Variants in CEP128 observed in about 807,000 individuals in gnomAD.
CEP128 encodes the protein centrosomal protein 128kDa.
In CEP128, 132 loss-of-function variants were observed where a neutral mutation model predicts 156.7. The observed-to-expected ratio is 0.84, with a 90% confidence interval of 0.73 to 0.97. The LOEUF (loss-of-function observed/expected upper bound fraction) is 0.97. Among genes scored for constraint, CEP128 ranks in the 50% least tolerant of loss-of-function variants. The probability of loss-of-function intolerance (pLI) is 0.00; values close to 1 mark genes in which losing one functional copy is unlikely to be tolerated. For synonymous variants in CEP128, 469 were observed against 448.9 expected (o/e 1.04, Z -0.57); for missense variants, 1,252 against 1,281.9 (o/e 0.98, Z 0.36).
chr14:80,519,216 T>G (rs988908116), intron 23 of CEP128, among the ~76,000 whole-genome samples: 1 of 152,240 alleles, frequency 6.6e-6, no homozygotes, highest in African/African-American at 2.4e-5. Context: ...AAAGTTCCAC[T>G]GGGTGAAGGG....
intron 9 of CEP128, among the ~76,000 whole-genome samples, chr14:80,848,185 G>C (rs994219666): frequency 4.6e-5 from 7 of 152,140 alleles, no homozygotes; most frequent in Non-Finnish European, 2.9e-5. Context: ...TAGTCAATAA[G>C]GGCTTTCTGA....
At chr14:80,758,141 G>A (rs1440640233) in intron 17 of CEP128, among the ~76,000 whole-genome samples, 1 of 152,158 alleles carries the variant, frequency 6.6e-6, no homozygotes, top group Non-Finnish European at 1.5e-5. Flanking sequence ...TAATATCAAA[G>A]TATAAGATAA....
intron 2 of CEP128, among the ~76,000 whole-genome samples, chr14:80,936,030 T>C (rs899411016): frequency 6.6e-6 from 1 of 152,178 alleles, no homozygotes; most frequent in Non-Finnish European, 1.5e-5. Flanking sequence ...GGCTGTATTT[T>C]TGCTCTAATT....
chr14:80,559,420 G>T, intron 20 of CEP128, 118 bp from the exon 21 acceptor site: 1 of 796,720 alleles, frequency 1.3e-6, no homozygotes, highest in Non-Finnish European at 1.9e-6. Flanking sequence ...TTTTAAAAAT[G>T]TAAAAAATGA....
chr14:80,618,069 T>C (rs944259621), intron 19 of CEP128, among the ~76,000 whole-genome samples: 2 of 152,342 alleles, frequency 1.3e-5, no homozygotes, highest in Non-Finnish European at 2.9e-5. Context: ...GTAAGCATTC[T>C]TGAGGAGAAT....
chr14:80,731,565 T>A (rs1443210208), intron 19 of CEP128, among the ~76,000 whole-genome samples: 1 of 152,116 alleles, frequency 6.6e-6, no homozygotes, highest in Non-Finnish European at 1.5e-5. Flanking sequence ...GTGATGTAAC[T>A]AAAAAATTAC....
chr14:80,640,384 A>G (rs537321770), intron 19 of CEP128, among the ~76,000 whole-genome samples: 1 of 152,254 alleles, frequency 6.6e-6, no homozygotes, highest in East Asian at 1.9e-4. Flanking sequence ...CTCATTTTCT[A>G]TTAATTCTTC....
At chr14:80,756,812 CAAAAT>C (rs936226467) in intron 18 of CEP128, 75 bp downstream of exon 18, 13 of 925,440 alleles carry the variant, frequency 1.4e-5, no homozygotes, top group Non-Finnish European at 2.1e-5. Flanking sequence ...AGTTACATAA[CAAAAT>C]AAATAGCTAA....
At chr14:80,856,313 C>A (rs932511361) in intron 9 of CEP128, among the ~76,000 whole-genome samples, 11 of 151,952 alleles carry the variant, frequency 7.2e-5, no homozygotes, top group Non-Finnish European at 1.6e-4. Context: ...ATTGTTGATA[C>A]AGATAAGGGA....
chr14:80,591,259 AC>A (rs1475767464), intron 19 of CEP128, among the ~76,000 whole-genome samples: 3 of 152,050 alleles, frequency 2.0e-5, no homozygotes, highest in African/African-American at 7.3e-5. Context: ...TATTCAGGAG[AC>A]CCATCTCACG....
chr14:80,732,750 CCCA>C (rs1898339714), intron 19 of CEP128, among the ~76,000 whole-genome samples: 1 of 152,016 alleles, frequency 6.6e-6, no homozygotes, highest in South Asian at 2.1e-4. Flanking sequence ...CCATGAAACA[CCCA>C]CAAGAGTGTT....
At chr14:80,795,529 A>ATTCC (rs1883411676) in intron 13 of CEP128, among the ~76,000 whole-genome samples, 1 of 152,214 alleles carries the variant, frequency 6.6e-6, no homozygotes, top group African/African-American at 2.4e-5. Context: ...AGGTGAACTT[A>ATTCC]AAAAGTTCCT....
chr14:80,923,632 G>A (rs1442580581), intron 2 of CEP128, among the ~76,000 whole-genome samples: 1 of 152,172 alleles, frequency 6.6e-6, no homozygotes, highest in African/African-American at 2.4e-5. Context: ...AGCTGTCCCT[G>A]CCCAAGGTAA....
At chr14:80,812,375 A>C (rs1417686742) in intron 13 of CEP128, among the ~76,000 whole-genome samples, 3 of 152,162 alleles carry the variant, frequency 2.0e-5, no homozygotes, top group Non-Finnish European at 2.9e-5. Flanking sequence ...AGACACCTAT[A>C]TGTCTTTATG....
At chr14:80,673,671 A>AAAAAAAAAAG (rs1895944752) in intron 19 of CEP128, among the ~76,000 whole-genome samples, 1 of 145,922 alleles carries the variant, frequency 6.9e-6, no homozygotes, top group African/African-American at 2.6e-5. Flanking sequence ...AAAAAAAAAA[A>AAAAAAAAAAG]TGTACTAAAG....
intron 13 of CEP128, among the ~76,000 whole-genome samples, chr14:80,808,417 T>C (rs1884310456): frequency 6.6e-6 from 1 of 152,108 alleles, no homozygotes; most frequent in Non-Finnish European, 1.5e-5. Flanking sequence ...GTGGGAACCC[T>C]GTACTGTACC....
intron 13 of CEP128, among the ~76,000 whole-genome samples, chr14:80,799,483 A>C (rs1256074966): frequency 2.0e-5 from 3 of 152,220 alleles, no homozygotes; most frequent in African/African-American, 7.2e-5. Flanking sequence ...TAGGGAACAA[A>C]GGAAGACAAC....
intron 19 of CEP128, among the ~76,000 whole-genome samples, chr14:80,643,562 T>G (rs922575745): frequency 5.3e-5 from 8 of 151,926 alleles, no homozygotes; most frequent in African/African-American, 1.9e-4. Context: ...ATACAAAAAT[T>G]AGTCGGGTGC....
chr14:80,749,176 GA>G (rs1274226326), intron 18 of CEP128, among the ~76,000 whole-genome samples: 2 of 152,054 alleles, frequency 1.3e-5, no homozygotes, highest in Admixed American at 1.3e-4. Flanking sequence ...GTAGGGAAGA[GA>G]AAAAAAGACT....
Sources: gnomAD v4.1 joint callset for allele counts (sites outside exome capture counted in the v4.1 genomes callset) on GRCh38, gnomAD v4.1.1 for gene constraint, MANE v1.5 for transcripts, NCBI Gene and HGNC (gene_info 2026-07-23, HGNC 2026-07-21) for gene names.